ERG: variants seen among roughly 807,000 people sequenced by gnomAD.
ERG encodes transcriptional regulator ERG.
ERG carries 9 observed loss-of-function variants against 55.3 expected under a neutral mutation model. That is an observed-to-expected ratio of 0.16 (90% CI 0.10 to 0.28). The LOEUF is 0.28. ERG is among the 10% of genes least tolerant of loss of function. ERG has a pLI of 1.00. For synonymous variants in ERG, 223 were observed against 237.3 expected (o/e 0.94, Z 0.55); for missense variants, 434 against 631.6 (o/e 0.69, Z 3.35).
At chr21:38,386,882 T>C (rs1987714928) in intron 9 of ERG, among the ~76,000 whole-genome samples, 1 of 151,926 alleles carries the variant, frequency 6.6e-6, no homozygotes, top group South Asian at 2.1e-4. Context: ...ATAAAACATA[T>C]TTGGAGGTAA....
chr21:38,619,043 A>G (rs981568269), intron 1 of ERG, among the ~76,000 whole-genome samples: 4 of 152,178 alleles, frequency 2.6e-5, no homozygotes, highest in Non-Finnish European at 5.9e-5. Context: ...AAGACCACTG[A>G]GTCTGTCAGA....
intron 2 of ERG, among the ~76,000 whole-genome samples, chr21:38,573,580 T>C (rs942629746): frequency 1.5e-4 from 23 of 152,314 alleles, no homozygotes; most frequent in South Asian, 4.1e-4. Context: ...CATAGTACCT[T>C]CCCTTGAACT....
rs2058882140 is a variant in ERG, at chr21:38,445,421, G to C, written c.219C>G (p.Ser73Arg). Reference sequence around the variant, plus strand: ...CTCCTTACCTTGAGCCATTCACCTGGCTAGGGTTACATTCCATTTTGATGG... The same window carrying C: ...CTCCTTACCTTGAGCCATTCACCTGCCTAGGGTTACATTCCATTTTGATGG... ...RVTIKMECNP[S>R]QVNGSRNSPD... is the part of the protein sequence containing the mutation. The change falls in exon 2 of 10, where the codon AGC becomes AGG. Residue 73 changes from serine (S) to arginine (R), a missense_variant. By Grantham distance (110) the Ser-to-Arg change is moderately radical. This residue lies in a region of ERG where 212 missense variants were observed against 262.9 expected (regional missense o/e 0.81). Transcript: ENST00000288319. 2 of 1,613,882 alleles carry C rather than the reference G, an allele frequency of 1.2e-6. No homozygotes were observed. The highest frequency in any genetic ancestry group is 1.7e-6 in the Non-Finnish European group (2 of 1,179,884).
intron 1 of ERG, among the ~76,000 whole-genome samples, chr21:38,461,541 C>A (rs771867621): frequency 1.1e-4 from 16 of 152,162 alleles, no homozygotes; most frequent in African/African-American, 3.6e-4. Flanking sequence ...AGGTACCACA[C>A]TATGCTCTGT....
At chr21:38,521,848 G>A (rs1340299903) in intron 2 of ERG, among the ~76,000 whole-genome samples, 6 of 152,124 alleles carry the variant, frequency 3.9e-5, no homozygotes, top group Non-Finnish European at 7.4e-5. Flanking sequence ...AGGGTGTCTT[G>A]GGTACATTTG....
At chr21:38,399,654 G>A (rs371039238) in intron 6 of ERG, among the ~76,000 whole-genome samples, 249 of 152,236 alleles carry the variant, frequency 1.6e-3, no homozygotes, top group African/African-American at 5.4e-3. Flanking sequence ...CTCATTATTC[G>A]TCTGGCAAAC....
chr21:38,608,293 C>T (rs760087450), intron 1 of ERG, among the ~76,000 whole-genome samples: 24 of 151,922 alleles, frequency 1.6e-4, no homozygotes, highest in Non-Finnish European at 2.8e-4. Context: ...CAGCTATCAA[C>T]AAAAAGAAAG....
chr21:38,648,347 T>C (rs1272542802), intron 1 of ERG, among the ~76,000 whole-genome samples: 1 of 152,216 alleles, frequency 6.6e-6, no homozygotes, highest in East Asian at 1.9e-4. Context: ...ACCAGTGCCG[T>C]CCTGATCCTT....
chr21:38,445,323 G>A (rs1181948970), intron 2 of ERG, 81 bp downstream of exon 2: 1 of 1,089,066 alleles, frequency 9.2e-7, no homozygotes, highest in African/African-American at 1.5e-5. Flanking sequence ...CTTTAGAGAA[G>A]CATGACTGAC....
intron 2 of ERG, among the ~76,000 whole-genome samples, chr21:38,536,890 A>C (rs1026612457): frequency 6.6e-5 from 10 of 152,188 alleles, no homozygotes; most frequent in African/African-American, 2.4e-4. Context: ...ACAAAATCTC[A>C]AGATTTAGTG....
chr21:38,615,425 C>A (rs777016353), intron 1 of ERG, among the ~76,000 whole-genome samples: 20 of 151,930 alleles, frequency 1.3e-4, no homozygotes, highest in Non-Finnish European at 2.9e-4. Flanking sequence ...GGTGGGAAGG[C>A]ATCTCAAAAA....
chr21:38,392,276 G>A, intron 7 of ERG, 100 bp downstream of exon 7: 1 of 1,020,422 alleles, frequency 9.8e-7, no homozygotes. Flanking sequence ...ATCACATGTT[G>A]CAAAATCACA....
At chr21:38,622,779 ACATACACAC>A (rs1177896741) in intron 1 of ERG, among the ~76,000 whole-genome samples, 1 of 150,424 alleles carries the variant, frequency 6.6e-6, no homozygotes, top group Non-Finnish European at 1.5e-5. Context: ...CACACACATC[ACATACACAC>A]CATACCACAA....
intron 3 of ERG, among the ~76,000 whole-genome samples, chr21:38,406,111 G>A (rs1296560612): frequency 2.9e-5 from 4 of 136,026 alleles, no homozygotes; most frequent in Non-Finnish European, 3.1e-5. Flanking sequence ...GCCAAGATCA[G>A]GCCACTGCAC....
At chr21:38,377,280 T>C (rs1242000610), downstream of ERG, among the ~76,000 whole-genome samples, 6 of 152,252 alleles carry the variant, frequency 3.9e-5, no homozygotes, top group African/African-American at 1.4e-4. Flanking sequence ...ATGATATCCA[T>C]TGGGAGGCTC....
chr21:38,439,927 A>G (rs2058824359), intron 2 of ERG, among the ~76,000 whole-genome samples: 1 of 152,098 alleles, frequency 6.6e-6, no homozygotes, highest in South Asian at 2.1e-4. Flanking sequence ...ATGGATAGGG[A>G]TGGACAGAGG....
In ERG at chr21:38,425,705, G is replaced by A. The variant is rs572380925; in HGVS notation, c.237-2144C>T. Among the ~76,000 whole-genome samples the A allele has an allele frequency of 3.9e-5, 6 of 152,252 alleles. No homozygotes were observed. The East Asian group carries it at 1.2e-3, about 29-fold the overall frequency. ...CAGTGTTTCTGGTTGTGGGATCCAC[G>A]CCAATGAAGCCTCATTTATCTCCTC... On this transcript the variant is annotated intron_variant, in intron 2 of 9. Coordinates refer to ENST00000288319, the MANE Select transcript of ERG (RefSeq NM_182918.4).
intron 2 of ERG, among the ~76,000 whole-genome samples, chr21:38,554,096 A>G (rs2059842822): frequency 6.6e-6 from 1 of 152,192 alleles, no homozygotes; most frequent in Non-Finnish European, 1.5e-5. Flanking sequence ...CAACATCACT[A>G]ATCACTAGAG....
exon 2 of ERG, chr21:38,575,679 G>T: frequency 6.2e-7 from 1 of 1,613,950 alleles, no homozygotes; most frequent in Middle Eastern, 1.7e-4. Context: ...TGAGCTGCTG[G>T]GTCCGGGACA....
Sources: gnomAD v4.1 joint callset for allele counts (sites outside exome capture counted in the v4.1 genomes callset) on GRCh38, gnomAD v4.1.1 for gene constraint, gnomAD v4.1.1 regional missense constraint, MANE v1.5 for transcripts, NCBI Gene and HGNC (gene_info 2026-07-23, HGNC 2026-07-21) for gene names.